EXOC3L2: variants seen among roughly 807,000 people sequenced by gnomAD.
EXOC3L2 encodes the protein exocyst complex component 3-like protein 2.
In EXOC3L2, 17 loss-of-function variants were observed where a neutral mutation model predicts 44.4. That is an observed-to-expected ratio of 0.38 (90% CI 0.26 to 0.57). The LOEUF (loss-of-function observed/expected upper bound fraction) is 0.57, where lower values mean the gene tolerates loss of function less well. EXOC3L2 is among the 20% of genes least tolerant of loss of function. The pLI is 0.65. For synonymous variants in EXOC3L2, 256 were observed against 253.7 expected (o/e 1.01, Z -0.09); for missense variants, 541 against 588.4 (o/e 0.92, Z 0.83).
chr19:45,230,297 C>T (rs181436510), intron 4 of EXOC3L2, among the ~76,000 whole-genome samples: 1 of 152,322 alleles, frequency 6.6e-6, no homozygotes, highest in Non-Finnish European at 1.5e-5. Context: ...CGGCTCACTG[C>T]AAGCTCCGTC....
In EXOC3L2 at chr19:45,234,588, G is replaced by C. The variant is rs1970063624; in HGVS notation, c.762C>G (p.Cys254Trp). ...GCTGCGCCACCGCGCCAGCCCCGGC[G>C]CACGCTCCCGGCCCGGGGCCCGCCA... The part of the protein sequence containing the change: ...ETLAGPGPGA[C>W]AGAGAVAQLG... The change falls in exon 3 of 12, where the codon TGC (cysteine) becomes TGG (tryptophan). Residue 254 changes from cysteine to tryptophan, a missense_variant. By Grantham distance (215) the Cys-to-Trp change is radical. Transcript: ENST00000413988. The surrounding 1 kb of genome is among the most constrained non-coding windows in gnomAD (Gnocchi z 5.0). The C allele has an allele frequency of 3.6e-6, 1 of 277,334 alleles. No individual in the cohort carries two copies. The highest frequency in any genetic ancestry group is 6.8e-6 in the Non-Finnish European group (1 of 147,766). The allele number at this position is 277,334 out of a possible 1,614,324, so 17.2% of individuals were successfully genotyped here. A position where few individuals can be genotyped will look rare whatever the true frequency, so the allele number is the denominator to read the frequency against.
chr19:45,242,049 G>A (rs1311911137), intron 1 of EXOC3L2, among the ~76,000 whole-genome samples: 1 of 152,208 alleles, frequency 6.6e-6, no homozygotes, highest in Non-Finnish European at 1.5e-5. Context: ...GCTGGAAGAG[G>A]TCACTAGGGA....
chr19:45,218,773 T>C (rs1211681150), intron 8 of EXOC3L2, among the ~76,000 whole-genome samples: 1 of 151,934 alleles, frequency 6.6e-6, no homozygotes, highest in Non-Finnish European at 1.5e-5. Context: ...AAAAGGTCAG[T>C]GTGGTTGATG....
In EXOC3L2 at chr19:45,224,879, G is replaced by A. The variant is rs775005253; in HGVS notation, c.1618C>T (p.Pro540Ser). The change falls in exon 8 of 12, where the codon CCA (proline) becomes TCA (serine). Residue 540 changes from proline (P) to serine (S), a missense_variant. Transcript: ENST00000413988. ...LAERLARVGPPESEPAREASA... is the reference protein window; with the variant it reads ...LAERLARVGPSESEPAREASA... ...GCTTCCCGGGCCGGCTCGCTTTCTG[G>A]GGGCCCCACCCGGGCCAGGCGCTCG... 2 of 1,570,850 alleles carry A rather than the reference G, an allele frequency of 1.3e-6. No individual in the cohort carries two copies. The highest frequency in any genetic ancestry group is 2.3e-5 in the South Asian group (2 of 85,542).
At chr19:45,236,203 G>C (rs1970082912) in intron 2 of EXOC3L2, among the ~76,000 whole-genome samples, 1 of 152,028 alleles carries the variant, frequency 6.6e-6, no homozygotes, top group South Asian at 2.1e-4. Context: ...CGAGTGCGGT[G>C]GCTCATGCCT....
intron 2 of EXOC3L2, among the ~76,000 whole-genome samples, chr19:45,236,301 A>G (rs1310714649): frequency 6.6e-6 from 1 of 151,886 alleles, no homozygotes; most frequent in Non-Finnish European, 1.5e-5. Flanking sequence ...CCTGGTCTCT[A>G]CTAAAAATAC....
At chr19:45,218,984 AT>A (rs1969868781) in intron 8 of EXOC3L2, among the ~76,000 whole-genome samples, 2 of 152,056 alleles carry the variant, frequency 1.3e-5, no homozygotes, top group Admixed American at 6.6e-5. Flanking sequence ...CACGCCTGTA[AT>A]CCTAGCACTT....
At chr19:45,239,390 G>T (rs571645115) in intron 1 of EXOC3L2, among the ~76,000 whole-genome samples, 1 of 146,902 alleles carries the variant, frequency 6.8e-6, no homozygotes, top group Non-Finnish European at 1.5e-5. Flanking sequence ...GCTAACTTTT[G>T]TATTTTTAGT....
At position 45,213,241 on chromosome 19, in the gene EXOC3L2, G is replaced by A; in HGVS notation, c.2237C>T (p.Pro746Leu). The change falls in exon 12 of 12, where the codon CCC becomes CTC. Residue 746 changes from proline (P) to leucine (L), a missense_variant. Physicochemically the swap from Pro to Leu is moderately conservative, Grantham distance 98 (BLOSUM62 -3). Transcript: ENST00000413988. ...LELSEEGALS[P>L]PRDRAFFADI... ...TGCAAAGAAGGCACGGTCCCGAGGG[G>A]GTGACAGGGCTCCCTCCTCAGAGAG... 6.2e-7 allele frequency: 1 copy of A among 1,613,262 alleles called. No individual in the cohort carries two copies. The highest frequency in any genetic ancestry group is 8.5e-7 in the Non-Finnish European group (1 of 1,179,598).
Position 45,231,849 on chromosome 19 carries a change from C to T in EXOC3L2, c.1183G>A (p.Ala395Thr). 6.2e-7 allele frequency: 1 copy of T among 1,608,428 alleles called. No homozygotes were observed. The highest frequency in any genetic ancestry group is 1.3e-5 in the African/African-American group (1 of 74,968). Reference protein sequence around the residue: ...PREVLGLVDMAALENGELGPL... With the variant: ...PREVLGLVDMTALENGELGPL... ...CCCAGCTCCCCATTCTCCAGGGCGG[C>T]CATGTCCACCAGCCCTAGGACCTCT... Residue 395 changes from alanine to threonine, a missense_variant, in exon 4 of 12, where the codon GCC becomes ACC. Physicochemically the swap from Ala to Thr is moderately conservative, Grantham distance 58. Coordinates refer to ENST00000413988, the MANE Select transcript of EXOC3L2 (RefSeq NM_001382422.1).
At chr19:45,228,301 G>A (rs1214512101) in intron 4 of EXOC3L2, 35 bp from the exon 5 acceptor site, 1 of 1,598,672 alleles carries the variant, frequency 6.3e-7, no homozygotes, top group African/African-American at 1.3e-5. Flanking sequence ...GCAGGAGTTG[G>A]GGGCGGCCTG....
intron 4 of EXOC3L2, among the ~76,000 whole-genome samples, 153 bp from the exon 5 acceptor site, chr19:45,228,419 G>A (rs1259619122): frequency 6.6e-6 from 1 of 152,036 alleles, no homozygotes; most frequent in African/African-American, 2.4e-5. Context: ...GGGGAGGGAG[G>A]CTGAGCCAGA....
At chr19:45,218,533 C>T (rs1193019745) in intron 8 of EXOC3L2, among the ~76,000 whole-genome samples, 2 of 152,034 alleles carry the variant, frequency 1.3e-5, no homozygotes, top group Non-Finnish European at 2.9e-5. Context: ...CCAAAGCTGG[C>T]AAGGCTGGGA....
chr19:45,229,125 GT>G (rs1969999648), intron 4 of EXOC3L2, among the ~76,000 whole-genome samples: 1 of 150,408 alleles, frequency 6.6e-6, no homozygotes, highest in Non-Finnish European at 1.5e-5. Context: ...TTAGTCCATG[GT>G]TTTAAGCTTC....
chr19:45,218,098 TCTCCCAAC>T (rs1281141761), intron 9 of EXOC3L2, 91 bp downstream of exon 9: 21 of 1,404,936 alleles, frequency 1.5e-5, no homozygotes, highest in Middle Eastern at 5.3e-4. Context: ...CGTTCTTGGC[TCTCCCAAC>T]CTCCCAATCT....
chr19:45,222,531 C>G (rs1044237326), intron 8 of EXOC3L2, among the ~76,000 whole-genome samples: 2 of 152,072 alleles, frequency 1.3e-5, no homozygotes, highest in African/African-American at 4.8e-5. Context: ...GTCTCTCCCT[C>G]TGTCCCTCTG....
rs1018908216 is a variant in EXOC3L2 at position 45,217,511 on chromosome 19, C to G, written c.1998+17G>C. The G allele has an allele frequency of 1.3e-6, 2 of 1,564,990 alleles. No homozygotes were observed. Among genetic ancestry groups the G allele is most frequent in the Admixed American group, 3.7e-5 (2 of 54,680 alleles). On this transcript the variant is annotated intron_variant, in intron 10 of 11. Transcript: ENST00000413988. ...TCCTGGTTTCTGAAACACCCCCAAC[C>G]GCGTCCCGACACTGACCAGCCGCCG...
chr19:45,221,799 C>A (rs1349773656), intron 8 of EXOC3L2, among the ~76,000 whole-genome samples: 2 of 151,844 alleles, frequency 1.3e-5, no homozygotes, highest in African/African-American at 4.8e-5. Flanking sequence ...AGGCACCCAC[C>A]ACCACACCCA....
Position 45,234,268 on chromosome 19 carries a change from C to T in EXOC3L2, c.1082G>A (p.Gly361Glu). ...CGGCAGCCTGCGACGGGCGGAGGCCCCCAGCCACTCGGCCAGGGCCCCGTG... is the reference window on the plus strand; with the variant it reads ...CGGCAGCCTGCGACGGGCGGAGGCCTCCAGCCACTCGGCCAGGGCCCCGTG... ...GYHGALAEWLGASARRRLPLA... is the reference protein window; with the variant it reads ...GYHGALAEWLEASARRRLPLA... The change falls in exon 3 of 12, where the codon GGG (glycine) becomes GAG (glutamate). Residue 361 changes from glycine to glutamate, a missense_variant. Transcript: ENST00000413988. The surrounding 1 kb of genome is among the most constrained non-coding windows in gnomAD (Gnocchi z 5.0). 2.5e-6 allele frequency: 1 copy of T among 395,538 alleles called. No individual in the cohort carries two copies. The highest frequency in any genetic ancestry group is 4.5e-6 in the Non-Finnish European group (1 of 224,000). 24.5% of individuals were successfully genotyped at this position (395,538 alleles called of 1,614,324 possible).
Sources: gnomAD v4.1 joint callset for allele counts (sites outside exome capture counted in the v4.1 genomes callset) on GRCh38, gnomAD v4.1.1 for gene constraint, Gnocchi (gnomAD v3.1) non-coding constraint, MANE v1.5 for transcripts, NCBI Gene and HGNC (gene_info 2026-07-23, HGNC 2026-07-21) for gene names.